Variants in TSPAN33 observed in about 807,000 individuals in gnomAD.
TSPAN33 encodes the protein tetraspanin 33, also known as tetraspanin-33.
In TSPAN33, 27 loss-of-function variants were observed where a neutral mutation model predicts 34.8. The observed-to-expected ratio is 0.78, with a 90% confidence interval of 0.57 to 1.07. The LOEUF is 1.07. Among genes scored for constraint, TSPAN33 ranks in the 50% least tolerant of loss-of-function variants. The pLI is 0.00. For missense variants in TSPAN33, 272 were observed against 324.9 expected, an observed-to-expected ratio of 0.84 and a Z score of 1.25; for synonymous variants, 119 against 124.2, an observed-to-expected ratio of 0.96 and a Z score of 0.28.
chr7:129,167,943 A>C lies in TSPAN33; in HGVS notation c.*69A>C. 1 of 1,568,180 alleles carries C rather than the reference A, an allele frequency of 6.4e-7. No individual in the cohort carries two copies. The highest frequency in any genetic ancestry group is 8.6e-7 in the Non-Finnish European group (1 of 1,158,820). ...ATAAACGAACAGCAGTGGGTGCTGA[A>C]AGCAGCACCAAATGGAGATTTGGAT... On this transcript the variant is annotated 3_prime_UTR_variant, in exon 8 of 8. Coordinates refer to ENST00000486685, the MANE Select transcript of TSPAN33 (RefSeq NM_178562.5). This position sits in a 1 kb window ranked among gnomAD's most constrained non-coding sequence, Gnocchi z 4.6.
intron 1 of TSPAN33, among the ~76,000 whole-genome samples, chr7:129,156,763 G>A (rs1194469974): frequency 1.3e-5 from 2 of 152,062 alleles, no homozygotes; most frequent in African/African-American, 4.8e-5. Context: ...ACTACAAGAT[G>A]CTCTAGGCTC....
At chr7:129,166,632 G>C (rs1793144627) in intron 5 of TSPAN33, 146 bp from the exon 6 acceptor site, 2 of 884,260 alleles carry the variant, frequency 2.3e-6, no homozygotes, top group Non-Finnish European at 3.4e-6. Flanking sequence ...TGGGAAGCTG[G>C]AGCTCAAAGT....
Position 129,145,050 on chromosome 7 carries a change from T to C in TSPAN33, c.70T>C (p.Tyr24His), listed in dbSNP as rs1242081594. 1.4e-6 allele frequency: 1 copy of C among 732,392 alleles called. No homozygotes were observed. The highest frequency in any genetic ancestry group is 1.9e-5 in the Admixed American group (1 of 53,114). The allele number at this position is 732,392 out of a possible 1,614,324, so 45.4% of individuals were successfully genotyped here. Residue 24 changes from tyrosine to histidine, a missense_variant, in exon 1 of 8, where the codon TAC becomes CAC. Physicochemically the swap from Tyr to His is moderately conservative, Grantham distance 83. Coordinates refer to ENST00000486685, the MANE Select transcript of TSPAN33 (RefSeq NM_178562.5). ...EFSFVSPLVK[Y>H]LLFFFNMLFW... ...CTCCTTCGTCAGCCCGCTGGTGAAA[T>C]ACCTGCTCTTCTTCTTCAACATGCT...
At chr7:129,158,122 C>T (rs1253474023) in intron 1 of TSPAN33, among the ~76,000 whole-genome samples, 4 of 152,208 alleles carry the variant, frequency 2.6e-5, no homozygotes, top group Admixed American at 6.5e-5. Context: ...CCTCCATCAC[C>T]GTCTCCTTCT....
chr7:129,144,951 G>T lies in TSPAN33; in HGVS notation c.-30G>T. On this transcript the variant is annotated 5_prime_UTR_variant, in exon 1 of 8. Transcript: ENST00000486685. ...CCGGCCGGCAGCCGCTGGGAAATAG[G>T]CCCCCGGGGGCGGTGGCGGCGGCGG... The T allele has an allele frequency of 1.8e-6, 1 of 558,034 alleles. No individual in the cohort carries two copies. 34.6% of individuals were successfully genotyped at this position (558,034 alleles called of 1,614,324 possible). A position where few individuals can be genotyped will look rare whatever the true frequency, so the allele number is the denominator to read the frequency against.
At chr7:129,162,341 AGG>A (rs2150626773) in intron 2 of TSPAN33, 51 bp from the exon 3 acceptor site, 2 of 1,602,224 alleles carry the variant, frequency 1.2e-6, no homozygotes, top group East Asian at 2.2e-5. Flanking sequence ...CACCCCATCC[AGG>A]GGTTCCTCAG....
chr7:129,147,148 G>A (rs1455711353), intron 1 of TSPAN33, among the ~76,000 whole-genome samples: 2 of 152,112 alleles, frequency 1.3e-5, no homozygotes, highest in African/African-American at 2.4e-5. Flanking sequence ...TGGCCCTACA[G>A]TAGACTCATA....
chr7:129,163,676 T>C (rs1793088589), intron 4 of TSPAN33, among the ~76,000 whole-genome samples: 1 of 152,104 alleles, frequency 6.6e-6, no homozygotes, highest in Admixed American at 6.6e-5. Context: ...TAGAAAATTA[T>C]GAAATTGGGC....
intron 5 of TSPAN33, chr7:129,164,903 A>T (rs890036398): frequency 5.9e-5 from 13 of 221,110 alleles, no homozygotes; most frequent in Non-Finnish European, 9.1e-5. Flanking sequence ...TCAGCTACAG[A>T]TCCAACTCCT....
intron 4 of TSPAN33, among the ~76,000 whole-genome samples, chr7:129,163,275 G>C (rs1793079871): frequency 6.6e-6 from 1 of 150,836 alleles, no homozygotes; most frequent in Non-Finnish European, 1.5e-5. Context: ...GAGATAAACA[G>C]AAGGAAGGAA....
rs931455543 is a variant in TSPAN33, at chr7:129,168,677, G to A, written c.*803G>A. ...TCTGGCCCTCCCTCTCCAGCAAGCA[G>A]GGTTTTCTTTAACTTGGCAGTGTGC... On this transcript the variant is annotated 3_prime_UTR_variant, in exon 8 of 8. Coordinates refer to ENST00000486685, the MANE Select transcript of TSPAN33 (RefSeq NM_178562.5). The A allele has an allele frequency of 6.5e-6, 1 of 152,956 alleles. No individual in the cohort carries two copies. The highest frequency in any genetic ancestry group is 2.4e-5 in the African/African-American group (1 of 41,452). The allele number at this position is 152,956 out of a possible 1,614,324, so 9.5% of individuals were successfully genotyped here.
At chr7:129,151,440 A>G (rs934473042) in intron 1 of TSPAN33, among the ~76,000 whole-genome samples, 13 of 152,052 alleles carry the variant, frequency 8.5e-5, no homozygotes, top group African/African-American at 2.9e-4. Flanking sequence ...CTTAAATGCA[A>G]TCCAGTAGAG....
Position 129,167,986 on chromosome 7 carries a change from A to T in TSPAN33, c.*112A>T. ...ATTTGGATTCCAGCCCCCCAGTGAC[A>T]GCCCAGTGGGAAGAAGCAAACTCCA... On this transcript the variant is annotated 3_prime_UTR_variant, in exon 8 of 8. Transcript: ENST00000486685. This position sits in a 1 kb window ranked among gnomAD's most constrained non-coding sequence, Gnocchi z 4.6. 9.4e-6 allele frequency: 14 copies of T among 1,488,644 alleles called. No homozygotes were observed. Among genetic ancestry groups the T allele is most frequent in the Non-Finnish European group, 1.2e-5 (13 of 1,121,828 alleles). The allele number at this position is 1,488,644 out of a possible 1,614,324, so 92.2% of individuals were successfully genotyped here.
chr7:129,154,056 G>A (rs1198962268), intron 1 of TSPAN33, among the ~76,000 whole-genome samples: 1 of 152,134 alleles, frequency 6.6e-6, no homozygotes, highest in Non-Finnish European at 1.5e-5. Flanking sequence ...TCTTAGCCAA[G>A]CATGGTGGCT....
intron 1 of TSPAN33, among the ~76,000 whole-genome samples, chr7:129,147,306 G>A (rs577870165): frequency 6.6e-6 from 1 of 152,288 alleles, no homozygotes; most frequent in East Asian, 1.9e-4. Flanking sequence ...TTCTGCCTCA[G>A]TGAACTATTT....
intron 1 of TSPAN33, among the ~76,000 whole-genome samples, chr7:129,155,980 C>T (rs183488769): frequency 2.0e-5 from 3 of 152,290 alleles, no homozygotes. Flanking sequence ...ATCCTCCCCG[C>T]TCGACCTCCC....
rs1272134651 is a variant in TSPAN33, at chr7:129,144,867, C to T, written c.-114C>T. 1.3e-5 allele frequency: 2 copies of T among 156,442 alleles called. No individual in the cohort carries two copies. The highest frequency in any genetic ancestry group is 2.8e-5 in the Non-Finnish European group (2 of 72,386). The allele number at this position is 156,442 out of a possible 1,614,324, so 9.7% of individuals were successfully genotyped here. On this transcript the variant is annotated 5_prime_UTR_variant, in exon 1 of 8. Transcript: ENST00000486685. ...TCCCGCCGCAGCGCAGGCTCCCCCG[C>T]CGGCCGGGCTCCTGCGCGGCGCGGC...
intron 4 of TSPAN33, among the ~76,000 whole-genome samples, chr7:129,163,828 G>T (rs372383063): frequency 3.1e-4 from 47 of 152,228 alleles, no homozygotes; most frequent in African/African-American, 1.1e-3. Flanking sequence ...AAATTAGCCA[G>T]GTGTCAGGAG....
chr7:129,149,553 C>CA (rs996386835), intron 1 of TSPAN33, among the ~76,000 whole-genome samples: 9 of 150,348 alleles, frequency 6.0e-5, no homozygotes, highest in Middle Eastern at 3.4e-3. Context: ...AACTCCGTCT[C>CA]AAAAAAAAAG....
Sources: gnomAD v4.1 joint callset for allele counts (sites outside exome capture counted in the v4.1 genomes callset) on GRCh38, gnomAD v4.1.1 for gene constraint, Gnocchi (gnomAD v3.1) non-coding constraint, MANE v1.5 for transcripts, NCBI Gene and HGNC (gene_info 2026-07-23, HGNC 2026-07-21) for gene names.